KLHL1: variants seen among roughly 807,000 people sequenced by gnomAD.
KLHL1 encodes the protein kelch like family member 1, also known as kelch-like protein 1.
A neutral mutation model predicts 77.7 loss-of-function variants in KLHL1; 47 were observed. The observed-to-expected ratio is 0.60, with a 90% confidence interval of 0.48 to 0.77. The LOEUF is 0.77. KLHL1 is among the 30% of genes least tolerant of loss of function. The pLI, the probability that KLHL1 is intolerant of heterozygous loss-of-function variation, is 0.00. For synonymous variants in KLHL1, 360 were observed against 325.2 expected (o/e 1.11, Z -1.15); for missense variants, 925 against 910.8 (o/e 1.02, Z -0.20).
chr13:69,863,162 G>T (rs1300623619), intron 5 of KLHL1, among the ~76,000 whole-genome samples: 2 of 151,908 alleles, frequency 1.3e-5, no homozygotes, highest in Admixed American at 6.6e-5. Context: ...TTATGTAGTT[G>T]TATTGGCATT....
intron 6 of KLHL1, among the ~76,000 whole-genome samples, chr13:69,829,742 A>G (rs1489824166): frequency 6.7e-6 from 1 of 150,298 alleles, no homozygotes; most frequent in African/African-American, 2.5e-5. Flanking sequence ...TCAAATTAAC[A>G]TCAGATGTCT....
chr13:69,845,677 T>C (rs933378812), intron 5 of KLHL1, among the ~76,000 whole-genome samples: 1 of 151,620 alleles, frequency 6.6e-6, no homozygotes, highest in African/African-American at 2.4e-5. Context: ...CTATAACTTA[T>C]ACTAGCACTT....
intron 1 of KLHL1, among the ~76,000 whole-genome samples, chr13:70,078,579 GC>G (rs1887317224): frequency 6.6e-6 from 1 of 152,142 alleles, no homozygotes; most frequent in Admixed American, 6.5e-5. Context: ...AATTTGAAAA[GC>G]CACTAATAAG....
At chr13:70,084,093 T>C (rs1449174834) in intron 1 of KLHL1, among the ~76,000 whole-genome samples, 1 of 152,170 alleles carries the variant, frequency 6.6e-6, no homozygotes, top group African/African-American at 2.4e-5. Flanking sequence ...TTAAAGTAGA[T>C]TTTAATGCAA....
chr13:69,948,095 C>CA (rs202083508), intron 3 of KLHL1, among the ~76,000 whole-genome samples: 1,605 of 149,832 alleles, frequency 0.011, 25 homozygotes, highest in African/African-American at 0.035. Context: ...AGATTGTTTT[C>CA]AAAAAAAAAT....
At chr13:69,825,641 G>A (rs930509788) in intron 6 of KLHL1, among the ~76,000 whole-genome samples, 6 of 152,166 alleles carry the variant, frequency 3.9e-5, no homozygotes, top group African/African-American at 1.4e-4. Flanking sequence ...GAGATAGGGA[G>A]ATCACTGTCT....
chr13:69,983,598 G>GAAA (rs1174116556), intron 1 of KLHL1, among the ~76,000 whole-genome samples: 5 of 105,722 alleles, frequency 4.7e-5, no homozygotes, highest in African/African-American at 2.2e-4. Context: ...AAAAGAAGAA[G>GAAA]AAGAAGAGAA....
At chr13:69,853,029 T>A (rs1027584472) in intron 5 of KLHL1, among the ~76,000 whole-genome samples, 1 of 152,122 alleles carries the variant, frequency 6.6e-6, no homozygotes, top group South Asian at 2.1e-4. Context: ...TATTTTCTAG[T>A]ACTTACAGTT....
Position 69,701,478 on chromosome 13 carries a change from C to T in KLHL1, c.*224G>A, listed in dbSNP as rs542598536. On this transcript the variant is annotated 3_prime_UTR_variant, in exon 11 of 11. Transcript: ENST00000377844. ...AAAACAAATTACCAATAACCATTCC[C>T]GAACTAACTAACATATGGCCAGACA... 173 of 456,028 alleles carry T rather than the reference C, an allele frequency of 3.8e-4. 2 individuals are homozygous for T. The highest frequency in any genetic ancestry group is 3.7e-4 in the African/African-American group (18 of 48,550). The allele number at this position is 456,028 out of a possible 1,614,324, so 28.2% of individuals were successfully genotyped here.
At chr13:70,077,284 G>T (rs1887287976) in intron 1 of KLHL1, among the ~76,000 whole-genome samples, 1 of 151,878 alleles carries the variant, frequency 6.6e-6, no homozygotes, top group African/African-American at 2.4e-5. Context: ...ACAATAAAAA[G>T]ATATGAGCTC....
At chr13:69,918,784 G>C (rs1227033078) in intron 4 of KLHL1, among the ~76,000 whole-genome samples, 2 of 152,020 alleles carry the variant, frequency 1.3e-5, no homozygotes, top group Non-Finnish European at 2.9e-5. Context: ...TTACCACAAT[G>C]GCCTACAACA....
At chr13:69,954,040 T>C (rs563702363) in intron 3 of KLHL1, among the ~76,000 whole-genome samples, 34 of 151,356 alleles carry the variant, frequency 2.2e-4, no homozygotes, top group African/African-American at 8.2e-4. Context: ...CTTCATAAAG[T>C]TAAGTAATTT....
At chr13:70,014,001 G>A (rs568307295) in intron 1 of KLHL1, among the ~76,000 whole-genome samples, 8 of 152,210 alleles carry the variant, frequency 5.3e-5, no homozygotes, top group African/African-American at 9.6e-5. Context: ...TAATAAAAGC[G>A]TTGCTGGAAA....
chr13:70,086,120 C>T (rs1478878991), intron 1 of KLHL1, among the ~76,000 whole-genome samples: 2 of 152,046 alleles, frequency 1.3e-5, no homozygotes, highest in African/African-American at 4.8e-5. Flanking sequence ...TCTCCACATA[C>T]TGAGAGGCAG....
At chr13:70,010,775 C>T (rs1184350367) in intron 1 of KLHL1, among the ~76,000 whole-genome samples, 1 of 151,622 alleles carries the variant, frequency 6.6e-6, no homozygotes, top group East Asian at 1.9e-4. Context: ...GCTTGTAATC[C>T]CAGCTACTAG....
chr13:69,732,695 T>C (rs550137823), intron 8 of KLHL1, among the ~76,000 whole-genome samples: 13 of 151,826 alleles, frequency 8.6e-5, no homozygotes, highest in African/African-American at 1.7e-4. Flanking sequence ...CATCCTTTTC[T>C]CACCGTAGCA....
chr13:69,961,113 C>T (rs538671251), intron 3 of KLHL1, among the ~76,000 whole-genome samples, 195 bp downstream of exon 3: 10 of 151,684 alleles, frequency 6.6e-5, no homozygotes, highest in Non-Finnish European at 1.0e-4. Flanking sequence ...TGTGGAAGAA[C>T]GAAATGTATA....
At chr13:69,796,652 G>A in intron 7 of KLHL1, 86 bp downstream of exon 7, 1 of 1,002,992 alleles carries the variant, frequency 1.0e-6, no homozygotes, top group Non-Finnish European at 1.5e-6. Context: ...AATTTACTAA[G>A]ACAGACATCA....
intron 1 of KLHL1, among the ~76,000 whole-genome samples, chr13:70,056,816 C>T (rs1297592056): frequency 1.3e-5 from 2 of 151,794 alleles, no homozygotes. Context: ...TGAAATATAA[C>T]AAAGCCAGTC....
Sources: allele counts gnomAD v4.1 joint callset (sites outside exome capture counted in the v4.1 genomes callset), GRCh38; gene constraint gnomAD v4.1.1; transcripts MANE v1.5; gene names NCBI Gene and HGNC (gene_info 2026-07-23, HGNC 2026-07-21).